BPHL: variants seen among roughly 807,000 people sequenced by gnomAD.
BPHL encodes the protein biphenyl hydrolase like.
A neutral mutation model predicts 31.2 loss-of-function variants in BPHL; 27 were observed. The observed-to-expected ratio is 0.87, with a 90% CI of 0.64 to 1.19. BPHL has a LOEUF of 1.19. Ranked by LOEUF, BPHL falls within the 50% of genes most tolerant of loss-of-function variation. BPHL has a pLI of 0.00. For missense variants in BPHL, 356 were observed against 375.7 expected, an observed-to-expected ratio of 0.95 and a Z score of 0.43; for synonymous variants, 150 against 146.8, an observed-to-expected ratio of 1.02 and a Z score of -0.16.
At position 3,143,175 on chromosome 6, in the gene BPHL, G is replaced by A. The variant is rs935632500; in HGVS notation, c.788+2666G>A. On this transcript the variant is annotated intron_variant, in intron 6 of 6. Transcript: ENST00000380379. ...AGAGGTTGCAGCGAGCCAAGATCAC[G>A]CCACTGCACTCCAGCCCGGGCAACA... Among the ~76,000 whole-genome samples the A allele has an allele frequency of 3.3e-5, 5 of 152,222 alleles. No homozygotes were observed. The South Asian group carries it at 6.2e-4, about 19-fold the overall frequency.
intron 2 of BPHL, among the ~76,000 whole-genome samples, chr6:3,124,467 G>T (rs1330019048): frequency 1.3e-5 from 2 of 152,022 alleles, no homozygotes; most frequent in African/African-American, 4.8e-5. Context: ...TATTCCTGGG[G>T]GACTGGATCC....
At chr6:3,121,573 G>A (rs563862735) in intron 1 of BPHL, among the ~76,000 whole-genome samples, 15 of 152,132 alleles carry the variant, frequency 9.9e-5, no homozygotes, top group African/African-American at 3.4e-4. Context: ...CACCTGGGCC[G>A]CCCAAAGTAT....
chr6:3,143,771 A>G (rs570876932), intron 6 of BPHL, among the ~76,000 whole-genome samples: 2 of 152,364 alleles, frequency 1.3e-5, no homozygotes, highest in Admixed American at 1.3e-4. Context: ...TCAGGATCTA[A>G]GCATATCAAT....
chr6:3,137,919 T>A lies in BPHL; in HGVS notation c.664+426T>A, dbSNP rs192876545. Reference sequence around the variant, plus strand: ...TGTCTCCCCACGAGGACACTGTTAATCTTTAATCTCAACGGAATTAATATG... The same window carrying A: ...TGTCTCCCCACGAGGACACTGTTAAACTTTAATCTCAACGGAATTAATATG... On this transcript the variant is annotated intron_variant, in intron 5 of 6. Transcript: ENST00000380379. 1.9e-4 allele frequency: 216 copies of A among 1,118,768 alleles called. No homozygotes were observed. In the African/African-American group the frequency reaches 3.3e-3, roughly 17 times the overall value. 69.3% of individuals were successfully genotyped at this position (1,118,768 alleles called of 1,614,324 possible).
At chr6:3,119,557 C>G in intron 1 of BPHL, 1 of 1,610,474 alleles carries the variant, frequency 6.2e-7, no homozygotes, top group Non-Finnish European at 8.5e-7. Context: ...GACCTTCTGT[C>G]TTGAAAATGG....
chr6:3,140,293 G>A lies in BPHL; in HGVS notation c.665-93G>A. On this transcript the variant is annotated intron_variant, in intron 5 of 6. Coordinates refer to ENST00000380379, the MANE Select transcript of BPHL (RefSeq NM_004332.4). This position sits in a 1 kb window ranked among gnomAD's most constrained non-coding sequence, Gnocchi z 5.2. ...GTTTTTACGGATAGGGAAACTGAGGGCCAAGGAGGGGCAGGGCTCGCCGAG... is the reference window on the plus strand; with the variant it reads ...GTTTTTACGGATAGGGAAACTGAGGACCAAGGAGGGGCAGGGCTCGCCGAG... 1 of 1,508,678 alleles carries A rather than the reference G, an allele frequency of 6.6e-7. No individual in the cohort carries two copies. Among genetic ancestry groups the A allele is most frequent in the Non-Finnish European group, 9.0e-7 (1 of 1,106,466 alleles). The allele number at this position is 1,508,678 out of a possible 1,614,324, so 93.5% of individuals were successfully genotyped here.
chr6:3,132,354 G>C (rs1310486045), intron 4 of BPHL, among the ~76,000 whole-genome samples: 1 of 152,060 alleles, frequency 6.6e-6, no homozygotes, highest in Non-Finnish European at 1.5e-5. Flanking sequence ...CCTCTCTCAG[G>C]CTGTTCCCTG....
At chr6:3,145,599 G>A (rs111432985) in intron 6 of BPHL, among the ~76,000 whole-genome samples, 3 of 58,330 alleles carry the variant, frequency 5.1e-5, no homozygotes, top group South Asian at 4.7e-4. Flanking sequence ...GGTTTGGGTC[G>A]GAGTGCTGGT....
chr6:3,142,984 C>T (rs563724032), intron 6 of BPHL, among the ~76,000 whole-genome samples: 25 of 152,218 alleles, frequency 1.6e-4, no homozygotes, highest in South Asian at 6.2e-4. Context: ...TTTGGGAGGC[C>T]GAGGTGGGCA....
chr6:3,133,609 G>T (rs1761932434), intron 4 of BPHL, among the ~76,000 whole-genome samples: 1 of 151,898 alleles, frequency 6.6e-6, no homozygotes, highest in South Asian at 2.1e-4. Flanking sequence ...GCAGGTGGCG[G>T]GCTCCTGCCT....
chr6:3,137,664 A>C lies in BPHL; in HGVS notation c.664+171A>C, dbSNP rs563113007. 9.2e-5 allele frequency among the ~76,000 whole-genome samples: 14 copies of C among 152,332 alleles called. No individual in the cohort carries two copies. In the South Asian group the frequency reaches 2.9e-3, roughly 32 times the overall value. On this transcript the variant is annotated intron_variant, in intron 5 of 6. Coordinates refer to ENST00000380379, the MANE Select transcript of BPHL (RefSeq NM_004332.4). ...TTGTGTACTGTGCCAGTTCTTGGGC[A>C]GTCAATCTGGCTTAACGGAGAGGTA...
chr6:3,120,143 C>T (rs535095008), intron 1 of BPHL, among the ~76,000 whole-genome samples: 2 of 152,144 alleles, frequency 1.3e-5, no homozygotes, highest in South Asian at 2.1e-4. Flanking sequence ...AAGCGATTCT[C>T]GTGGCCTCAG....
intron 2 of BPHL, among the ~76,000 whole-genome samples, chr6:3,125,148 C>A (rs767124133): frequency 1.3e-5 from 2 of 151,624 alleles, no homozygotes; most frequent in Non-Finnish European, 2.9e-5. Context: ...CAGGTTCAAG[C>A]GATTCTCCTG....
rs143941332 is a variant in BPHL, at chr6:3,140,129, C to T, written c.665-257C>T. 414 of 488,380 alleles carry T rather than the reference C, an allele frequency of 8.5e-4. 2 individuals carry two copies. The highest frequency in any genetic ancestry group is 7.6e-3 in the African/African-American group (387 of 51,126). 30.3% of individuals were successfully genotyped at this position (488,380 alleles called of 1,614,324 possible). ...TATTTGATTTTCCTACTATTTTATG[C>T]GAATTTAAATCAGGCTGCTTATTTA... On this transcript the variant is annotated intron_variant, in intron 5 of 6. Coordinates refer to ENST00000380379, the MANE Select transcript of BPHL (RefSeq NM_004332.4). This position sits in a 1 kb window ranked among gnomAD's most constrained non-coding sequence, Gnocchi z 5.2.
At chr6:3,136,311 C>T (rs1762017285) in intron 4 of BPHL, among the ~76,000 whole-genome samples, 1 of 152,238 alleles carries the variant, frequency 6.6e-6, no homozygotes, top group Non-Finnish European at 1.5e-5. Flanking sequence ...CTCCCCACCT[C>T]TTCAGGCTGT....
chr6:3,129,229 G>A (rs115185697), intron 4 of BPHL, 31 bp downstream of exon 4: 18 of 1,522,820 alleles, frequency 1.2e-5, no homozygotes, highest in Admixed American at 4.5e-5. Context: ...ATGCCGGGAC[G>A]GCAGATCCTT....
chr6:3,143,096 G>A (rs529186946), intron 6 of BPHL, among the ~76,000 whole-genome samples: 9 of 152,196 alleles, frequency 5.9e-5, no homozygotes, highest in African/African-American at 1.7e-4. Flanking sequence ...GTGGGCACCC[G>A]TAATCCCAGC....
chr6:3,120,617 A>C (rs1761543204), intron 1 of BPHL, among the ~76,000 whole-genome samples: 1 of 152,156 alleles, frequency 6.6e-6, no homozygotes, highest in Non-Finnish European at 1.5e-5. Flanking sequence ...CCTACAACTG[A>C]CTTTTGTTCC....
chr6:3,150,393 T>C (rs868691829), intron 6 of BPHL, among the ~76,000 whole-genome samples: 37 of 152,184 alleles, frequency 2.4e-4, no homozygotes, highest in African/African-American at 8.4e-4. Flanking sequence ...AAAAGAGCTG[T>C]ATCAACAGAG....
Sources: gnomAD v4.1 joint callset for allele counts (sites outside exome capture counted in the v4.1 genomes callset) on GRCh38, gnomAD v4.1.1 for gene constraint, Gnocchi (gnomAD v3.1) non-coding constraint, MANE v1.5 for transcripts, NCBI Gene and HGNC (gene_info 2026-07-23, HGNC 2026-07-21) for gene names.